The following DLGAP1 variants were observed in gnomAD, a reference collection of about 807,000 sequenced individuals.
DLGAP1 encodes disks large-associated protein 1.
DLGAP1 carries 11 observed loss-of-function variants against 90.8 expected under a neutral mutation model. That is an observed-to-expected ratio of 0.12 (90% CI 0.08 to 0.20). The LOEUF (loss-of-function observed/expected upper bound fraction) is 0.20. DLGAP1 is among the 10% of genes least tolerant of loss of function. The probability of loss-of-function intolerance (pLI) is 1.00; values close to 1 mark genes in which losing one functional copy is unlikely to be tolerated. For missense variants in DLGAP1, 1,050 were observed against 1,333.8 expected (o/e 0.79, Z 3.31); for synonymous variants, 558 against 540.7 (o/e 1.03, Z -0.44).
rs565130390 is a variant in DLGAP1 at position 4,166,438 on chromosome 18, T to C, written c.-266-15151A>G. On this transcript the variant is annotated intron_variant, in intron 1 of 12. Transcript: ENST00000315677. ...GTGCATTGCTGGTGGGAATGTAAAATAGTGCAGCTGCTATGGAGGCTGAGG... is the reference window on the plus strand; with the variant it reads ...GTGCATTGCTGGTGGGAATGTAAAACAGTGCAGCTGCTATGGAGGCTGAGG... 2.6e-5 allele frequency among the ~76,000 whole-genome samples: 4 copies of C among 152,234 alleles called. No homozygotes were observed. The South Asian group carries it at 6.2e-4, about 24-fold the overall frequency.
chr18:4,033,452 G>A (rs2074832261), intron 2 of DLGAP1, among the ~76,000 whole-genome samples: 1 of 152,106 alleles, frequency 6.6e-6, no homozygotes, highest in South Asian at 2.1e-4. Flanking sequence ...ACCAAGGCTT[G>A]CTATTATGGG....
At chr18:3,719,605 G>A (rs1724799206) in intron 7 of DLGAP1, among the ~76,000 whole-genome samples, 1 of 146,266 alleles carries the variant, frequency 6.8e-6, no homozygotes, top group South Asian at 2.2e-4. Context: ...CATGCACATT[G>A]TAACAATGTC....
chr18:3,614,689 A>C (rs2057775024), intron 7 of DLGAP1, among the ~76,000 whole-genome samples: 1 of 148,296 alleles, frequency 6.7e-6, no homozygotes, highest in South Asian at 2.1e-4. Context: ...AAAAATACAA[A>C]AAAAAAAAAA....
At chr18:3,575,201 G>A (rs2055050951) in intron 8 of DLGAP1, among the ~76,000 whole-genome samples, 1 of 152,116 alleles carries the variant, frequency 6.6e-6, no homozygotes, top group Non-Finnish European at 1.5e-5. Context: ...ATTATCTGCA[G>A]TTGGACTTAT....
intron 7 of DLGAP1, among the ~76,000 whole-genome samples, chr18:3,687,087 A>G (rs1405098289): frequency 6.6e-6 from 1 of 152,210 alleles, no homozygotes; most frequent in Non-Finnish European, 1.5e-5. Context: ...AAAGACAAGG[A>G]AATGGATTCT....
Position 3,965,828 on chromosome 18 carries a change from A to G in DLGAP1, c.-73+39288T>C, listed in dbSNP as rs796147590. ...CCAGGCGTGATGGCATGCACCTGTA[A>G]TCCCAGCTACTCAGGAGGCTGAGGC... On this transcript the variant is annotated intron_variant, in intron 3 of 12. Transcript: ENST00000315677. 4.7e-4 allele frequency among the ~76,000 whole-genome samples: 71 copies of G among 151,498 alleles called. 1 individual carries two copies. The highest frequency in any genetic ancestry group is 1.7e-3 in the African/African-American group (69 of 41,350).
At chr18:3,570,704 G>A (rs992559133) in intron 8 of DLGAP1, among the ~76,000 whole-genome samples, 4 of 151,810 alleles carry the variant, frequency 2.6e-5, no homozygotes, top group Admixed American at 2.0e-4. Flanking sequence ...CGAGGTGAGA[G>A]GATCGCTTGA....
rs1461006247 is a variant in DLGAP1, at chr18:4,063,108, T to C, written c.-158-57907A>G. Among the ~76,000 whole-genome samples, 3 of 152,114 alleles carry C rather than the reference T, an allele frequency of 2.0e-5. No individual in the cohort carries two copies. In the East Asian group the frequency reaches 5.8e-4, roughly 29 times the overall value. On this transcript the variant is annotated intron_variant, in intron 2 of 12. Coordinates refer to ENST00000315677, the MANE Select transcript of DLGAP1 (RefSeq NM_004746.4). The stretch of plus-strand genomic sequence containing the variant: ...AATTTGGGACTCAGAGCCTATACTT[T>C]ATAAAAAAGCTTGGTATCCAAAAGG...
At chr18:4,199,309 G>T (rs2077562998) in intron 1 of DLGAP1, among the ~76,000 whole-genome samples, 1 of 152,196 alleles carries the variant, frequency 6.6e-6, no homozygotes, top group Non-Finnish European at 1.5e-5. Context: ...AAGAAAGAGT[G>T]ATTGCAAGCA....
chr18:4,352,234 G>A (rs1176619174), intron 1 of DLGAP1, among the ~76,000 whole-genome samples: 2 of 152,098 alleles, frequency 1.3e-5, no homozygotes, highest in African/African-American at 4.8e-5. Context: ...TCTAGATTCT[G>A]TCTGCAGTAT....
intron 2 of DLGAP1, among the ~76,000 whole-genome samples, chr18:4,037,397 A>G (rs1320262677): frequency 6.6e-6 from 1 of 152,200 alleles, no homozygotes; most frequent in Non-Finnish European, 1.5e-5. Context: ...ACTTTCACTT[A>G]CTTATATGTA....
chr18:3,690,094 GTTTT>G (rs77999372), intron 7 of DLGAP1, among the ~76,000 whole-genome samples: 11 of 116,880 alleles, frequency 9.4e-5, no homozygotes, highest in African/African-American at 2.1e-4. Flanking sequence ...GCTGGGTGAG[GTTTT>G]TTTTTTTTTT....
chr18:4,113,573 G>A (rs916564852), intron 2 of DLGAP1, among the ~76,000 whole-genome samples: 49 of 152,140 alleles, frequency 3.2e-4, no homozygotes, highest in African/African-American at 1.1e-3. Flanking sequence ...TAGGTTATCT[G>A]TTTACTCTAC....
intron 7 of DLGAP1, among the ~76,000 whole-genome samples, chr18:3,595,968 C>T (rs1348203549): frequency 6.6e-6 from 1 of 152,112 alleles, no homozygotes; most frequent in African/African-American, 2.4e-5. Context: ...GCAGGTCTTC[C>T]TGGGTTGAAT....
At chr18:3,675,393 T>G (rs187622572) in intron 7 of DLGAP1, among the ~76,000 whole-genome samples, 116 of 152,344 alleles carry the variant, frequency 7.6e-4, no homozygotes, top group Non-Finnish European at 1.2e-3. Flanking sequence ...CTGTTCTATA[T>G]GCATTGTCTC....
intron 10 of DLGAP1, among the ~76,000 whole-genome samples, chr18:3,523,776 A>C (rs1423258282): frequency 1.3e-5 from 2 of 151,458 alleles, no homozygotes; most frequent in Admixed American, 6.6e-5. Context: ...TGAACTCAGA[A>C]GGCGGAGCTT....
intron 1 of DLGAP1, among the ~76,000 whole-genome samples, chr18:4,237,457 G>C (rs1245471639): frequency 6.6e-6 from 1 of 152,082 alleles, no homozygotes; most frequent in Non-Finnish European, 1.5e-5. Context: ...AACGGTCAGG[G>C]TTAATGCCTT....
In DLGAP1 at chr18:4,430,494, T is replaced by TTGTGTGTGTGTGTG. The variant is rs1225686125; in HGVS notation, c.-267+24511_-267+24512insCACACACACACACA. 1.4e-4 allele frequency: 10 copies of TTGTGTGTGTGTGTG among 73,358 alleles called. No individual in the cohort carries two copies. The South Asian group carries it at 6.1e-3, about 45-fold the overall frequency. 4.5% of individuals were successfully genotyped at this position (73,358 alleles called of 1,614,324 possible). On this transcript the variant is annotated intron_variant, in intron 1 of 12. Coordinates refer to ENST00000315677, the MANE Select transcript of DLGAP1 (RefSeq NM_004746.4). ...CTTAGGTCTTTTCTGGTAAATAGTC[T>TTGTGTGTGTGTGTG]TGTGTGTCTGTGTGTGTGTGTGTGT...
At chr18:3,828,842 G>C (rs1303261858) in intron 4 of DLGAP1, among the ~76,000 whole-genome samples, 2 of 151,964 alleles carry the variant, frequency 1.3e-5, no homozygotes, top group African/African-American at 2.4e-5. Context: ...AAAATCATTA[G>C]TACTAACAAT....
Sources: allele counts gnomAD v4.1 joint callset (sites outside exome capture counted in the v4.1 genomes callset), GRCh38; gene constraint gnomAD v4.1.1; transcripts MANE v1.5; gene names NCBI Gene and HGNC (gene_info 2026-07-23, HGNC 2026-07-21).